The following CRPPA variants were observed in gnomAD, a reference collection of about 807,000 sequenced individuals.
CRPPA encodes CDP-L-ribitol pyrophosphorylase A.
CRPPA carries 43 observed loss-of-function variants against 52.0 expected under a neutral mutation model. The ratio of observed to expected loss-of-function variants is 0.83; its 90% CI spans 0.65 to 1.07. The LOEUF (loss-of-function observed/expected upper bound fraction) is 1.07, where lower values mean the gene tolerates loss of function less well. Ranked by LOEUF, CRPPA falls within the 50% of genes least tolerant of loss-of-function variation. The probability of loss-of-function intolerance (pLI) is 0.00; values close to 1 mark genes in which losing one functional copy is unlikely to be tolerated. For synonymous variants in CRPPA, 250 were observed against 203.5 expected, an observed-to-expected ratio of 1.23 and a Z score of -1.94; for missense variants, 629 against 551.7, an observed-to-expected ratio of 1.14 and a Z score of -1.40.
chr7:16,396,289 C>G (rs1787566451), intron 2 of CRPPA, among the ~76,000 whole-genome samples: 1 of 152,178 alleles, frequency 6.6e-6, no homozygotes, highest in Non-Finnish European at 1.5e-5. Flanking sequence ...GTGAATCCTA[C>G]TTAATATCAC....
chr7:16,407,397 A>G (rs1787980340), intron 1 of CRPPA, among the ~76,000 whole-genome samples: 1 of 152,232 alleles, frequency 6.6e-6, no homozygotes. Context: ...TAATGGAGGC[A>G]AGCATCACTG....
intron 2 of CRPPA, among the ~76,000 whole-genome samples, chr7:16,396,921 CAT>C (rs747471223): frequency 5.5e-4 from 83 of 152,292 alleles, no homozygotes; most frequent in Admixed American, 9.1e-4. Flanking sequence ...ACAAATGTGA[CAT>C]GTGTAATGAA....
intron 2 of CRPPA, among the ~76,000 whole-genome samples, chr7:16,400,621 T>G (rs1170595962): frequency 6.6e-6 from 1 of 152,172 alleles, no homozygotes; most frequent in African/African-American, 2.4e-5. Context: ...ACAACCGACA[T>G]GATGTGATCG....
chr7:16,286,384 G>A (rs1271702809), intron 5 of CRPPA, among the ~76,000 whole-genome samples: 3 of 151,736 alleles, frequency 2.0e-5, no homozygotes, highest in Non-Finnish European at 2.9e-5. Flanking sequence ...AAGTTCATGA[G>A]CCAAATGTTT....
At chr7:16,341,495 T>C (rs1305988482) in intron 3 of CRPPA, among the ~76,000 whole-genome samples, 2 of 152,172 alleles carry the variant, frequency 1.3e-5, no homozygotes, top group African/African-American at 4.8e-5. Context: ...TCATATTTAA[T>C]TGAAATGAAA....
Position 16,089,014 on chromosome 7 carries a change from C to A in CRPPA, c.*2681G>T, listed in dbSNP as rs1243320736. 4.5e-6 allele frequency: 1 copy of A among 223,914 alleles called. No homozygotes were observed. The highest frequency in any genetic ancestry group is 2.2e-5 in the African/African-American group (1 of 45,724). The allele number at this position is 223,914 out of a possible 1,614,324, so 13.9% of individuals were successfully genotyped here. A position where few individuals can be genotyped will look rare whatever the true frequency, so the allele number is the denominator to read the frequency against. On this transcript the variant is annotated 3_prime_UTR_variant, in exon 10 of 10. Transcript: ENST00000407010. ...AAGCTTAACACTTATTATCAGTCTTCCTTATTTTAAGCCCAAACTTTTGTT... is the reference window on the plus strand; with the variant it reads ...AAGCTTAACACTTATTATCAGTCTTACTTATTTTAAGCCCAAACTTTTGTT...
At chr7:16,264,021 A>T (rs1404668168) in intron 6 of CRPPA, among the ~76,000 whole-genome samples, 2 of 152,152 alleles carry the variant, frequency 1.3e-5, no homozygotes, top group Non-Finnish European at 2.9e-5. Flanking sequence ...GAGACTCTTA[A>T]TAATTGTTTC....
chr7:16,380,247 T>C (rs1787041767), intron 2 of CRPPA, among the ~76,000 whole-genome samples: 1 of 151,490 alleles, frequency 6.6e-6, no homozygotes, highest in Admixed American at 6.6e-5. Context: ...ATTGAGATAA[T>C]CATGTGGTTT....
At chr7:16,204,422 G>A (rs909818594) in intron 9 of CRPPA, among the ~76,000 whole-genome samples, 6 of 152,034 alleles carry the variant, frequency 3.9e-5, no homozygotes, top group African/African-American at 1.4e-4. Flanking sequence ...GCTAAATAAC[G>A]TGTACACATG....
intron 9 of CRPPA, among the ~76,000 whole-genome samples, chr7:16,127,751 C>T (rs1011597144): frequency 1.3e-5 from 2 of 152,072 alleles, no homozygotes; most frequent in African/African-American, 4.8e-5. Flanking sequence ...TTAATAATTG[C>T]ATCTCAAGAC....
intron 5 of CRPPA, among the ~76,000 whole-genome samples, chr7:16,286,066 T>TTTAAA (rs1562608525): frequency 1.8e-3 from 47 of 25,832 alleles, no homozygotes; most frequent in African/African-American, 0.01. Flanking sequence ...TATATATATA[T>TTTAAA]ATATATATAT....
intron 8 of CRPPA, among the ~76,000 whole-genome samples, chr7:16,251,785 A>T (rs893445331): frequency 1.3e-5 from 2 of 152,346 alleles, no homozygotes; most frequent in South Asian, 2.1e-4. Context: ...GGAAAGATCT[A>T]AAATTGATAC....
intron 9 of CRPPA, among the ~76,000 whole-genome samples, chr7:16,160,014 T>C (rs746784542): frequency 5.3e-5 from 8 of 152,204 alleles, no homozygotes; most frequent in Non-Finnish European, 1.0e-4. Flanking sequence ...TGCCCACTTT[T>C]TGATGTTTTT....
intron 2 of CRPPA, among the ~76,000 whole-genome samples, chr7:16,401,817 T>C (rs1330840440): frequency 1.3e-5 from 2 of 152,146 alleles, no homozygotes; most frequent in African/African-American, 4.8e-5. Flanking sequence ...GGACCTCTAA[T>C]TTTGGTAATA....
intron 9 of CRPPA, among the ~76,000 whole-genome samples, chr7:16,097,956 T>C (rs1781968113): frequency 1.3e-5 from 2 of 152,238 alleles, no homozygotes; most frequent in South Asian, 4.1e-4. Context: ...ACTTACTAAC[T>C]GTCCCTTTCA....
chr7:16,375,638 T>G (rs1786861273), intron 3 of CRPPA, among the ~76,000 whole-genome samples: 1 of 152,168 alleles, frequency 6.6e-6, no homozygotes, highest in South Asian at 2.1e-4. Context: ...GGCAAGTCAG[T>G]GTGCCTGCCT....
chr7:16,391,809 A>G (rs2128314959), intron 2 of CRPPA, among the ~76,000 whole-genome samples: 1 of 152,304 alleles, frequency 6.6e-6, no homozygotes, highest in South Asian at 2.1e-4. Flanking sequence ...CTCAGTAAAT[A>G]AGGGTTACAT....
chr7:16,168,366 C>T (rs1031950874), intron 9 of CRPPA, among the ~76,000 whole-genome samples: 2 of 151,966 alleles, frequency 1.3e-5, no homozygotes, highest in Admixed American at 6.6e-5. Flanking sequence ...ATCTGGAATC[C>T]TTTATACACA....
At chr7:16,399,270 C>T (rs904001632) in intron 2 of CRPPA, among the ~76,000 whole-genome samples, 2 of 152,202 alleles carry the variant, frequency 1.3e-5, no homozygotes, top group Non-Finnish European at 2.9e-5. Context: ...ATGTGACTGA[C>T]ACGATACACA....
Sources: allele counts gnomAD v4.1 joint callset (sites outside exome capture counted in the v4.1 genomes callset), GRCh38; gene constraint gnomAD v4.1.1; transcripts MANE v1.5; gene names NCBI Gene and HGNC (gene_info 2026-07-23, HGNC 2026-07-21).